Variants in TCERG1L observed in about 807,000 individuals in gnomAD.
TCERG1L encodes transcription elongation regulator 1-like protein.
A neutral mutation model predicts 56.3 loss-of-function variants in TCERG1L; 37 were observed. That is an observed-to-expected ratio of 0.66 (90% CI 0.51 to 0.87). TCERG1L has a LOEUF of 0.87. Among genes scored for constraint, TCERG1L ranks in the 40% least tolerant of loss-of-function variants. The pLI is 0.00. For missense variants in TCERG1L, 799 were observed against 774.2 expected, an observed-to-expected ratio of 1.03 and a Z score of -0.38; for synonymous variants, 324 against 326.3, an observed-to-expected ratio of 0.99 and a Z score of 0.08.
At chr10:131,272,636 G>A (rs1407353738) in intron 3 of TCERG1L, among the ~76,000 whole-genome samples, 2 of 152,140 alleles carry the variant, frequency 1.3e-5, no homozygotes, top group Non-Finnish European at 2.9e-5. Context: ...CTGGCCAGTG[G>A]GAGAGATGAC....
At chr10:131,284,091 A>C (rs1430917137) in intron 3 of TCERG1L, among the ~76,000 whole-genome samples, 1 of 148,322 alleles carries the variant, frequency 6.7e-6, no homozygotes, top group Non-Finnish European at 1.5e-5. Context: ...GAACTACTGC[A>C]CTCCAGCCTA....
At chr10:131,226,814 G>A (rs73396485) in intron 4 of TCERG1L, among the ~76,000 whole-genome samples, 33,334 of 152,276 alleles carry the variant, frequency 0.22, 3,767 homozygotes, top group East Asian at 0.25. Context: ...GGGGGCAGAC[G>A]GACAGATAAA....
intron 4 of TCERG1L, among the ~76,000 whole-genome samples, chr10:131,188,267 T>A (rs1267315625): frequency 6.6e-6 from 1 of 152,192 alleles, no homozygotes; most frequent in Non-Finnish European, 1.5e-5. Flanking sequence ...AAATAGTGGG[T>A]ACTGAAGTGC....
intron 4 of TCERG1L, among the ~76,000 whole-genome samples, chr10:131,242,155 G>T (rs1845980671): frequency 6.6e-6 from 1 of 152,194 alleles, no homozygotes; most frequent in Non-Finnish European, 1.5e-5. Flanking sequence ...AACTGGGAAA[G>T]GTGGAGATAA....
intron 6 of TCERG1L, among the ~76,000 whole-genome samples, chr10:131,152,765 T>A (rs978818585): frequency 5.3e-5 from 8 of 152,212 alleles, no homozygotes; most frequent in Non-Finnish European, 1.0e-4. Flanking sequence ...AGAGGTTTAA[T>A]TGACTTACAG....
intron 8 of TCERG1L, among the ~76,000 whole-genome samples, chr10:131,124,744 A>T (rs1845547735): frequency 1.3e-5 from 2 of 152,178 alleles, no homozygotes; most frequent in South Asian, 4.2e-4. Flanking sequence ...CAACAACAGG[A>T]TCTGCATCGC....
At chr10:131,257,127 C>T (rs1462950816) in intron 4 of TCERG1L, among the ~76,000 whole-genome samples, 2 of 151,808 alleles carry the variant, frequency 1.3e-5, no homozygotes, top group African/African-American at 4.8e-5. Context: ...CCTATCAACG[C>T]TCAGAAGGGA....
At chr10:131,263,769 G>C (rs758929743) in intron 3 of TCERG1L, among the ~76,000 whole-genome samples, 3 of 152,196 alleles carry the variant, frequency 2.0e-5, no homozygotes, top group Non-Finnish European at 4.4e-5. Flanking sequence ...AAGTTTTGAT[G>C]CACTAGAAAG....
chr10:131,294,422 C>T (rs1846666847), intron 3 of TCERG1L, among the ~76,000 whole-genome samples: 1 of 152,190 alleles, frequency 6.6e-6, no homozygotes, highest in South Asian at 2.1e-4. Flanking sequence ...CCCATTATCT[C>T]TTTAAAAATC....
intron 6 of TCERG1L, among the ~76,000 whole-genome samples, chr10:131,154,534 C>T (rs953219132): frequency 3.3e-5 from 5 of 152,222 alleles, no homozygotes; most frequent in Non-Finnish European, 5.9e-5. Context: ...GCACCCAATG[C>T]CCTTTGCCGT....
intron 11 of TCERG1L, 91 bp from the exon 12 acceptor site, chr10:131,093,409 C>T: frequency 1.3e-6 from 2 of 1,487,596 alleles, no homozygotes; most frequent in Non-Finnish European, 9.1e-7. Flanking sequence ...AGCAAGCATC[C>T]AGCCCTTCCA....
intron 4 of TCERG1L, among the ~76,000 whole-genome samples, chr10:131,236,264 A>G (rs1845911256): frequency 6.6e-6 from 1 of 152,234 alleles, no homozygotes; most frequent in Non-Finnish European, 1.5e-5. Flanking sequence ...AATGAATTTG[A>G]CCATCAAAAC....
chr10:131,150,103 T>G (rs959650234), intron 6 of TCERG1L, among the ~76,000 whole-genome samples: 12 of 133,532 alleles, frequency 9.0e-5, no homozygotes, highest in African/African-American at 5.0e-4. Context: ...AACTTAAGAC[T>G]TAAAACCTGT....
chr10:131,230,776 G>C (rs900045954), intron 4 of TCERG1L, among the ~76,000 whole-genome samples: 1 of 152,188 alleles, frequency 6.6e-6, no homozygotes, highest in Non-Finnish European at 1.5e-5. Context: ...AGAGTCTCTG[G>C]CACCTGAGCT....
chr10:131,240,357 A>G (rs1018074837), intron 4 of TCERG1L, among the ~76,000 whole-genome samples: 5 of 151,674 alleles, frequency 3.3e-5, no homozygotes, highest in Non-Finnish European at 1.5e-5. Flanking sequence ...TCATTCGTTC[A>G]TGCATGCATG....
chr10:131,098,640 T>G (rs1845273620), intron 10 of TCERG1L, among the ~76,000 whole-genome samples: 1 of 152,194 alleles, frequency 6.6e-6, no homozygotes, highest in South Asian at 2.1e-4. Flanking sequence ...GGCCCGGCAT[T>G]TCTCTACATG....
chr10:131,137,301 C>T (rs1845686625), intron 7 of TCERG1L, among the ~76,000 whole-genome samples: 1 of 152,236 alleles, frequency 6.6e-6, no homozygotes, highest in African/African-American at 2.4e-5. Context: ...CGAGCTCTCA[C>T]TGTGCCCTCC....
intron 4 of TCERG1L, among the ~76,000 whole-genome samples, chr10:131,180,332 C>T (rs974774311): frequency 1.3e-5 from 2 of 152,202 alleles, no homozygotes; most frequent in Non-Finnish European, 1.5e-5. Flanking sequence ...GCCGTAGAGA[C>T]GGCTGCCACT....
intron 8 of TCERG1L, among the ~76,000 whole-genome samples, chr10:131,125,119 T>C (rs913248924): frequency 1.3e-5 from 2 of 152,054 alleles, no homozygotes; most frequent in Non-Finnish European, 2.9e-5. Flanking sequence ...ATGGTGATGG[T>C]GATGACACAG....
Sources: gnomAD v4.1 joint callset for allele counts (sites outside exome capture counted in the v4.1 genomes callset) on GRCh38, gnomAD v4.1.1 for gene constraint, MANE v1.5 for transcripts, NCBI Gene and HGNC (gene_info 2026-07-23, HGNC 2026-07-21) for gene names.